Variants in PKHD1 observed in about 807,000 individuals in gnomAD.
The protein encoded by PKHD1 is PKHD1 ciliary IPT domain containing fibrocystin/polyductin.
PKHD1 carries 291 observed loss-of-function variants against 412.0 expected under a neutral mutation model. The observed-to-expected ratio is 0.71, with a 90% CI of 0.64 to 0.78. The LOEUF (loss-of-function observed/expected upper bound fraction) is 0.78. PKHD1 is among the 30% of genes least tolerant of loss of function. The pLI is 0.00. For missense variants in PKHD1, 4,825 were observed against 4,950.7 expected (o/e 0.97, Z 0.76); for synonymous variants, 1,777 against 1,821.5 (o/e 0.98, Z 0.62).
intron 35 of PKHD1, among the ~76,000 whole-genome samples, chr6:52,002,696 A>C (rs938849555): frequency 2.6e-5 from 4 of 152,200 alleles, no homozygotes; most frequent in African/African-American, 4.8e-5. Context: ...GAGAAGGAGA[A>C]GACAAGGAGG....
chr6:51,777,679 G>GAAAAAAAA (rs59379021), intron 53 of PKHD1, among the ~76,000 whole-genome samples: 1 of 118,796 alleles, frequency 8.4e-6, no homozygotes, highest in Non-Finnish European at 1.7e-5. Flanking sequence ...GAGTCTTTGG[G>GAAAAAAAA]AAAAAAAAAA....
At chr6:51,674,761 A>C (rs1334790795) in intron 60 of PKHD1, among the ~76,000 whole-genome samples, 1 of 152,180 alleles carries the variant, frequency 6.6e-6, no homozygotes, top group Non-Finnish European at 1.5e-5. Context: ...CACACATGGA[A>C]AAGTGTTTGA....
rs866273418 is a variant in PKHD1 at position 51,696,572 on chromosome 6, A to G, written c.10157-36603T>C. Among the ~76,000 whole-genome samples the G allele has an allele frequency of 5.3e-5, 8 of 152,318 alleles. No homozygotes were observed. The South Asian group carries it at 6.2e-4, about 12-fold the overall frequency. On this transcript the variant is annotated intron_variant, in intron 60 of 66. Coordinates refer to ENST00000371117, the MANE Select transcript of PKHD1 (RefSeq NM_138694.4). Reference sequence around the variant, plus strand: ...CAGAACTCTTACCCTACTGTTTTCTATCTCATTATAAAGAGTTTATTTTCA... The same window carrying G: ...CAGAACTCTTACCCTACTGTTTTCTGTCTCATTATAAAGAGTTTATTTTCA...
chr6:52,079,832 T>C, intron 5 of PKHD1, 68 bp downstream of exon 5: 1 of 880,720 alleles, frequency 1.1e-6, no homozygotes, highest in Non-Finnish European at 2.0e-6. Context: ...ATTTACAATT[T>C]GCCTTTCAAT....
intron 66 of PKHD1, among the ~76,000 whole-genome samples, chr6:51,623,060 A>G (rs979057830): frequency 3.3e-5 from 5 of 152,128 alleles, no homozygotes; most frequent in African/African-American, 1.2e-4. Context: ...TGATAGGGCT[A>G]CCCATTTCCA....
intron 60 of PKHD1, among the ~76,000 whole-genome samples, chr6:51,686,025 TAA>T (rs1777384818): frequency 6.6e-6 from 1 of 152,222 alleles, no homozygotes; most frequent in Admixed American, 6.5e-5. Context: ...TAAGTTTCTA[TAA>T]AGATTTTTCT....
rs1477564824 is a variant in PKHD1, at chr6:51,903,689, T to C, written c.6904A>G (p.Ile2302Val). Residue 2302 changes from isoleucine to valine, a missense_variant, in exon 43 of 67, where the codon ATC becomes GTC. Ile to Val is a conservative substitution (Grantham distance 29). Transcript: ENST00000371117. ...GHGNIIRNNVIIQVSGAEGLS... is the reference protein window; with the variant it reads ...GHGNIIRNNVVIQVSGAEGLS... ...CCCTCGGCACCAGAAACCTGGATGA[T>C]CACGTTGTTTCTTATTATATTTCCA... 4.3e-6 allele frequency: 7 copies of C among 1,611,378 alleles called. No individual in the cohort carries two copies. Among genetic ancestry groups the C allele is most frequent in the Non-Finnish European group, 5.9e-6 (7 of 1,177,766 alleles).
chr6:51,722,042 T>C lies in PKHD1; in HGVS notation c.10156+22343A>G, dbSNP rs773946130. On this transcript the variant is annotated intron_variant, in intron 60 of 66. Coordinates refer to ENST00000371117, the MANE Select transcript of PKHD1 (RefSeq NM_138694.4). Reference sequence around the variant, plus strand: ...GTTACTGAAGTAAACAGAAGTACTTTAGTCAGACATTGAAGGCTCTCCAAA... The same window carrying C: ...GTTACTGAAGTAAACAGAAGTACTTCAGTCAGACATTGAAGGCTCTCCAAA... The C allele has an allele frequency of 3.7e-6, 6 of 1,613,354 alleles. No individual in the cohort carries two copies. In the South Asian group the frequency reaches 4.4e-5, roughly 12 times the overall value.
At chr6:52,082,350 T>A (rs1320761140) in intron 4 of PKHD1, 42 bp downstream of exon 4, 3 of 1,603,312 alleles carry the variant, frequency 1.9e-6, no homozygotes, top group Non-Finnish European at 2.6e-6. Flanking sequence ...TAAGCAAAAA[T>A]CCCTCATCCT....
At chr6:52,086,587 C>A (rs1004895391) in intron 1 of PKHD1, among the ~76,000 whole-genome samples, 4 of 152,164 alleles carry the variant, frequency 2.6e-5, no homozygotes, top group African/African-American at 9.7e-5. Flanking sequence ...ATAATCATTT[C>A]TATTTAATTC....
intron 37 of PKHD1, among the ~76,000 whole-genome samples, chr6:51,918,383 G>A (rs1244808235): frequency 6.6e-6 from 1 of 151,978 alleles, no homozygotes; most frequent in Non-Finnish European, 1.5e-5. Context: ...GGTGTGTGAT[G>A]TTGCCCTCCC....
chr6:51,886,047 C>A, intron 44 of PKHD1, 75 bp from the exon 45 acceptor site: 2 of 926,844 alleles, frequency 2.2e-6, no homozygotes, highest in Non-Finnish European at 3.5e-6. Flanking sequence ...TTGAAAAATA[C>A]AAAGTAAAAG....
At position 52,025,789 on chromosome 6, in the gene PKHD1, G is replaced by A. The variant is rs1427552447; in HGVS notation, c.4021C>T (p.Gln1341Ter). ...AGGCTCACGTTGCCCTGGAAGGACT[G>A]TGTCTCAACATCACAGTTCAGGTTC... is the stretch of plus-strand genomic sequence containing the variant. ...LGNLNCDVET[Q>*]SFQGNVSLSG... is the part of the protein sequence containing the mutation. Residue 1341 changes from glutamine to a stop codon, truncating the protein, a stop_gained, in exon 32 of 67, where the codon CAG becomes TAG. Coordinates refer to ENST00000371117, the MANE Select transcript of PKHD1 (RefSeq NM_138694.4). LOFTEE classifies it high-confidence loss of function. 1 of 1,614,224 alleles carries A rather than the reference G, an allele frequency of 6.2e-7. No individual in the cohort carries two copies. The highest frequency in any genetic ancestry group is 1.7e-5 in the Admixed American group (1 of 60,030).
At chr6:51,864,831 C>T (rs1774787973) in intron 48 of PKHD1, among the ~76,000 whole-genome samples, 1 of 151,648 alleles carries the variant, frequency 6.6e-6, no homozygotes, top group Non-Finnish European at 1.5e-5. Flanking sequence ...GTGGGTAATT[C>T]ACTCTTACGG....
intron 60 of PKHD1, among the ~76,000 whole-genome samples, chr6:51,719,509 A>G (rs1781658687): frequency 6.6e-6 from 1 of 152,110 alleles, no homozygotes; most frequent in Non-Finnish European, 1.5e-5. Context: ...TCCAGTTGGG[A>G]CAAACAAAAA....
intron 28 of PKHD1, among the ~76,000 whole-genome samples, chr6:52,033,658 C>A: frequency 6.6e-6 from 1 of 150,770 alleles, no homozygotes. Context: ...TATCTGAAAC[C>A]CAAGAAACAG....
intron 43 of PKHD1, among the ~76,000 whole-genome samples, chr6:51,892,830 A>G (rs1160838466): frequency 6.6e-6 from 1 of 152,262 alleles, no homozygotes; most frequent in African/African-American, 2.4e-5. Context: ...GCTAGAAAAC[A>G]GAGTATGCAC....
chr6:51,648,894 G>A (rs1770488277), intron 62 of PKHD1, among the ~76,000 whole-genome samples, 191 bp downstream of exon 62: 1 of 152,188 alleles, frequency 6.6e-6, no homozygotes, highest in South Asian at 2.1e-4. Flanking sequence ...TGAATGTTCA[G>A]AGAAAATAGA....
At chr6:51,986,882 G>A (rs1426609392) in intron 35 of PKHD1, among the ~76,000 whole-genome samples, 2 of 152,208 alleles carry the variant, frequency 1.3e-5, no homozygotes, top group African/African-American at 2.4e-5. Flanking sequence ...TAGCGTGGCA[G>A]CATTTGCTAA....
Sources: gnomAD v4.1 joint callset for allele counts (sites outside exome capture counted in the v4.1 genomes callset) on GRCh38, gnomAD v4.1.1 for gene constraint, MANE v1.5 for transcripts, NCBI Gene and HGNC (gene_info 2026-07-23, HGNC 2026-07-21) for gene names.